The following COLEC11 variants were observed in gnomAD, a reference collection of about 807,000 sequenced individuals.
COLEC11 encodes the protein collectin subfamily member 11.
COLEC11 carries 20 observed loss-of-function variants against 27.3 expected under a neutral mutation model. The ratio of observed to expected loss-of-function variants is 0.73; its 90% confidence interval spans 0.51 to 1.06. The LOEUF is 1.06. Among genes scored for constraint, COLEC11 ranks in the 50% least tolerant of loss-of-function variants. COLEC11 has a pLI of 0.00. For missense variants in COLEC11, 310 were observed against 383.0 expected, an observed-to-expected ratio of 0.81 and a Z score of 1.59; for synonymous variants, 163 against 154.7, an observed-to-expected ratio of 1.05 and a Z score of -0.40.
chr2:3,616,018 C>T (rs1399487188), intron 3 of COLEC11, among the ~76,000 whole-genome samples: 4 of 149,574 alleles, frequency 2.7e-5, no homozygotes, highest in African/African-American at 5.0e-5. Context: ...GGCTGCCCGG[C>T]GGAGGGGCTC....
intron 2 of COLEC11, chr2:3,605,143 G>A (rs1307643845): frequency 4.3e-6 from 2 of 464,600 alleles, no homozygotes; most frequent in Admixed American, 4.9e-5. Flanking sequence ...CAAGCCTGGG[G>A]GAGCCCGGTG....
chr2:3,634,877 G>A (rs1456253340), intron 3 of COLEC11, among the ~76,000 whole-genome samples: 3 of 151,094 alleles, frequency 2.0e-5, no homozygotes, highest in Non-Finnish European at 4.4e-5. Context: ...ACCTGGTCCC[G>A]GCCCTGCCCA....
intron 2 of COLEC11, chr2:3,605,904 G>T (rs1443827154): frequency 4.7e-6 from 3 of 638,748 alleles, no homozygotes; most frequent in Admixed American, 3.1e-5. Flanking sequence ...GGCTGTGTTA[G>T]CCCTGCTGTT....
At chr2:3,643,367 C>T (rs1402273894) in intron 5 of COLEC11, 77 bp from the exon 6 acceptor site, 14 of 1,221,114 alleles carry the variant, frequency 1.1e-5, no homozygotes, top group South Asian at 7.2e-5. Context: ...TGTGCATTTC[C>T]GGGGAGGGGT....
intron 2 of COLEC11, among the ~76,000 whole-genome samples, chr2:3,610,686 G>C (rs1250117737): frequency 6.6e-6 from 1 of 152,092 alleles, no homozygotes; most frequent in Admixed American, 6.6e-5. Flanking sequence ...CTTCCCCCTT[G>C]TCTGTGCACC....
At chr2:3,629,882 C>A (rs866935327) in intron 3 of COLEC11, among the ~76,000 whole-genome samples, 4 of 152,078 alleles carry the variant, frequency 2.6e-5, no homozygotes, top group Non-Finnish European at 1.5e-5. Flanking sequence ...CATGTATCCA[C>A]GTATGTAGGT....
At chr2:3,597,160 C>T (rs957362690) in intron 1 of COLEC11, among the ~76,000 whole-genome samples, 8 of 151,170 alleles carry the variant, frequency 5.3e-5, no homozygotes, top group African/African-American at 4.9e-5. Context: ...TGTGCTGCTC[C>T]GGGGTCAGTG....
At chr2:3,620,728 T>G (rs1664126296) in intron 3 of COLEC11, among the ~76,000 whole-genome samples, 1 of 152,214 alleles carries the variant, frequency 6.6e-6, no homozygotes, top group Non-Finnish European at 1.5e-5. Flanking sequence ...AGCCCATAAG[T>G]TTTTGTATGT....
At chr2:3,606,119 C>A (rs1018113462) in intron 2 of COLEC11, 68 of 1,550,452 alleles carry the variant, frequency 4.4e-5, no homozygotes, top group Non-Finnish European at 5.7e-5. Flanking sequence ...GTGAGTGGAA[C>A]CTTCAGCTTT....
At chr2:3,599,190 G>A (rs1260140615) in intron 1 of COLEC11, among the ~76,000 whole-genome samples, 1 of 152,172 alleles carries the variant, frequency 6.6e-6, no homozygotes, top group East Asian at 1.9e-4. Context: ...TGATGGTGCT[G>A]ATCTCTGTGC....
At chr2:3,613,976 C>CTTTTTTTTTTTTTTTTTTTTT (rs1461288131) in intron 3 of COLEC11, among the ~76,000 whole-genome samples, 1 of 91,322 alleles carries the variant, frequency 1.1e-5, no homozygotes, top group African/African-American at 3.5e-5. Context: ...TTCTTTCTTT[C>CTTTTTTTTTTTTTTTTTTTTT]TTTCTTTTTT....
chr2:3,610,393 C>T (rs976554395), intron 2 of COLEC11, among the ~76,000 whole-genome samples: 3 of 152,214 alleles, frequency 2.0e-5, no homozygotes, highest in Non-Finnish European at 4.4e-5. Context: ...CTTCCTGGTG[C>T]TCTGGGGGAC....
intron 4 of COLEC11, among the ~76,000 whole-genome samples, 179 bp downstream of exon 4, chr2:3,637,783 T>G (rs1248767832): frequency 6.6e-6 from 1 of 152,240 alleles, no homozygotes; most frequent in African/African-American, 2.4e-5. Flanking sequence ...AGCTAGTTGC[T>G]GGCTCTGTGC....
intron 2 of COLEC11, among the ~76,000 whole-genome samples, chr2:3,612,222 G>A (rs77746091): frequency 6.2e-4 from 71 of 114,452 alleles, no homozygotes; most frequent in Middle Eastern, 3.8e-3. Context: ...GCGGACACAC[G>A]CACACACATG....
chr2:3,642,297 G>C (rs1665927480), intron 5 of COLEC11, among the ~76,000 whole-genome samples: 1 of 152,220 alleles, frequency 6.6e-6, no homozygotes, highest in South Asian at 2.1e-4. Flanking sequence ...GTGATGCAGG[G>C]ATAGGAGCAG....
At chr2:3,615,142 A>G (rs1422743540) in intron 3 of COLEC11, among the ~76,000 whole-genome samples, 2 of 148,128 alleles carry the variant, frequency 1.4e-5, no homozygotes, top group African/African-American at 2.5e-5. Flanking sequence ...TTATTTATTT[A>G]TTTATTTTTA....
chr2:3,620,664 T>G (rs1358189218), intron 3 of COLEC11, among the ~76,000 whole-genome samples: 1 of 152,192 alleles, frequency 6.6e-6, no homozygotes, highest in Non-Finnish European at 1.5e-5. Flanking sequence ...TTATTTTCCC[T>G]CCATGTAGGT....
In COLEC11 at chr2:3,643,888, G is replaced by A; in HGVS notation, c.586G>A (p.Ala196Thr). ...NGLMAAYLAQ[A>T]GLARVFIGIN... ...CCTGATGGCCGCATACCTGGCGCAA[G>A]CCGGCCTGGCCCGTGTCTTCATCGG... The change falls in exon 7 of 7, where the codon GCC becomes ACC. Residue 196 changes from alanine (A) to threonine (T), a missense_variant. Transcript: ENST00000349077. The A allele has an allele frequency of 6.2e-7, 1 of 1,613,924 alleles. No homozygotes were observed. Among genetic ancestry groups the A allele is most frequent in the Non-Finnish European group, 8.5e-7 (1 of 1,180,048 alleles).
intron 3 of COLEC11, among the ~76,000 whole-genome samples, chr2:3,627,682 G>C (rs892088674): frequency 3.3e-5 from 5 of 150,746 alleles, no homozygotes; most frequent in African/African-American, 1.2e-4. Flanking sequence ...TGAGCACAGT[G>C]ACGCTGGGCA....
Sources: allele counts gnomAD v4.1 joint callset (sites outside exome capture counted in the v4.1 genomes callset), GRCh38; gene constraint gnomAD v4.1.1; transcripts MANE v1.5; gene names NCBI Gene and HGNC (gene_info 2026-07-23, HGNC 2026-07-21).